PRKG1: variants seen among roughly 807,000 people sequenced by gnomAD.
PRKG1 encodes the protein cGMP-dependent protein kinase 1.
A neutral mutation model predicts 88.1 loss-of-function variants in PRKG1; 35 were observed. That is an observed-to-expected ratio of 0.40 (90% CI 0.30 to 0.53). The LOEUF (loss-of-function observed/expected upper bound fraction) is 0.53, where lower values mean the gene tolerates loss of function less well. PRKG1 is among the 20% of genes least tolerant of loss of function. PRKG1 has a pLI of 0.59. For synonymous variants in PRKG1, 303 were observed against 292.5 expected (o/e 1.04, Z -0.37); for missense variants, 540 against 839.8 (o/e 0.64, Z 4.41).
intron 1 of PRKG1, among the ~76,000 whole-genome samples, chr10:51,122,995 C>T (rs1282600334): frequency 6.6e-6 from 1 of 152,150 alleles, no homozygotes; most frequent in African/African-American, 2.4e-5. Flanking sequence ...GTAGGACAAA[C>T]TTCTGCTTCC....
At chr10:51,977,794 C>T (rs2133102386) in intron 5 of PRKG1, among the ~76,000 whole-genome samples, 1 of 151,920 alleles carries the variant, frequency 6.6e-6, no homozygotes, top group Middle Eastern at 3.4e-3. Flanking sequence ...TGTTCATGTC[C>T]TTTGTCCATT....
chr10:51,395,868 A>T (rs972323111), intron 2 of PRKG1, among the ~76,000 whole-genome samples: 9 of 152,312 alleles, frequency 5.9e-5, no homozygotes, highest in African/African-American at 2.2e-4. Flanking sequence ...GGGAGGCAAT[A>T]GTGGGGAGAA....
chr10:51,947,667 G>A (rs59625881), intron 5 of PRKG1, among the ~76,000 whole-genome samples: 2,573 of 152,284 alleles, frequency 0.017, 81 homozygotes, highest in African/African-American at 0.059. Flanking sequence ...GCAGGTTCAT[G>A]GGCTGAGGAG....
chr10:51,529,367 A>G (rs1331665427), intron 3 of PRKG1, among the ~76,000 whole-genome samples: 1 of 152,076 alleles, frequency 6.6e-6, no homozygotes, highest in Non-Finnish European at 1.5e-5. Context: ...ATTAATTCAG[A>G]TTTTGTTCAT....
intron 2 of PRKG1, among the ~76,000 whole-genome samples, chr10:51,387,215 A>T (rs893963759): frequency 1.1e-4 from 16 of 151,954 alleles, no homozygotes; most frequent in African/African-American, 3.9e-4. Flanking sequence ...TAAATGTGGG[A>T]ACTGTGTAGT....
intron 3 of PRKG1, among the ~76,000 whole-genome samples, chr10:51,665,665 A>G (rs1173229285): frequency 6.6e-6 from 1 of 151,914 alleles, no homozygotes; most frequent in Non-Finnish European, 1.5e-5. Flanking sequence ...TTGTTTCAAC[A>G]GTTTTTATTT....
At chr10:51,592,530 C>A (rs1838337094) in intron 3 of PRKG1, among the ~76,000 whole-genome samples, 3 of 152,168 alleles carry the variant, frequency 2.0e-5, no homozygotes, top group Admixed American at 2.0e-4. Flanking sequence ...GGCCCATCTC[C>A]TGCCTGCCGT....
intron 4 of PRKG1, among the ~76,000 whole-genome samples, chr10:51,809,288 G>GAAA (rs56821994): frequency 2.1e-4 from 31 of 144,998 alleles, no homozygotes; most frequent in African/African-American, 3.0e-4. Context: ...CCAGATCATA[G>GAAA]AAAAAAAAAA....
At chr10:51,362,129 T>A (rs1011323189) in intron 2 of PRKG1, among the ~76,000 whole-genome samples, 2 of 151,660 alleles carry the variant, frequency 1.3e-5, no homozygotes, top group Non-Finnish European at 2.9e-5. Flanking sequence ...TAGACAAGAT[T>A]TTTTTTTGCT....
In PRKG1 at chr10:51,651,430, T is replaced by C. The variant is rs139838446; in HGVS notation, c.593-153155T>C. On this transcript the variant is annotated intron_variant, in intron 3 of 17. Coordinates refer to ENST00000373980, the MANE Select transcript of PRKG1 (RefSeq NM_006258.4). Reference sequence around the variant, plus strand: ...CTTGTTTACCTATAGGTTACCCCTGTTCCAGGTCAAATGTCACTTCCTCTA... The same window carrying C: ...CTTGTTTACCTATAGGTTACCCCTGCTCCAGGTCAAATGTCACTTCCTCTA... 2.6e-3 allele frequency among the ~76,000 whole-genome samples: 395 copies of C among 152,152 alleles called. 2 individuals are homozygous for C. The highest frequency in any genetic ancestry group is 9.2e-3 in the African/African-American group (380 of 41,522).
intron 2 of PRKG1, among the ~76,000 whole-genome samples, chr10:51,295,386 T>A (rs1840693559): frequency 6.6e-6 from 1 of 152,152 alleles, no homozygotes; most frequent in Non-Finnish European, 1.5e-5. Context: ...TTCTTTTTGT[T>A]ACTATTATGA....
At chr10:52,133,743 T>A in intron 7 of PRKG1, 97 bp from the exon 8 acceptor site, 8 of 1,026,160 alleles carry the variant, frequency 7.8e-6, no homozygotes, top group Non-Finnish European at 1.2e-5. Context: ...ATCAGAAGAG[T>A]TTATATAATG....
At chr10:51,587,312 A>G (rs926124128) in intron 3 of PRKG1, among the ~76,000 whole-genome samples, 1 of 152,188 alleles carries the variant, frequency 6.6e-6, no homozygotes, top group Non-Finnish European at 1.5e-5. Context: ...CGAAGCTGTA[A>G]TGAATAGCAG....
rs377209300 is a variant in PRKG1, at chr10:51,994,135, C to T, written c.763-60349C>T. Among the ~76,000 whole-genome samples, 39 of 152,216 alleles carry T rather than the reference C, an allele frequency of 2.6e-4. No individual in the cohort carries two copies. The East Asian group carries it at 4.5e-3, about 17-fold the overall frequency. On this transcript the variant is annotated intron_variant, in intron 5 of 17. Coordinates refer to ENST00000373980, the MANE Select transcript of PRKG1 (RefSeq NM_006258.4). ...GCAAACTACTGCTTGCTGTGTTCAC[C>T]CTTTCTTCCTAAAGAGAGGTCTAAG... is the stretch of plus-strand genomic sequence containing the variant.
chr10:51,539,433 GATTGGGCATGAAGCAAA>G (rs554614736), intron 3 of PRKG1, among the ~76,000 whole-genome samples: 2 of 152,236 alleles, frequency 1.3e-5, no homozygotes, highest in East Asian at 3.9e-4. Flanking sequence ...AATGTACAAA[GATTGGGCATGAAGCAAA>G]ATTGTCTCCC....
At chr10:51,257,118 TA>T in intron 2 of PRKG1, among the ~76,000 whole-genome samples, 1 of 150,284 alleles carries the variant, frequency 6.7e-6, no homozygotes, top group Admixed American at 6.6e-5. Flanking sequence ...TGTCGAGCTT[TA>T]AAAAAATGAT....
Position 52,281,437 on chromosome 10 carries a change from T to A in PRKG1, c.1545+507T>A, listed in dbSNP as rs10824321. ...TTCTTTTATTTACAAATGCACAACT[T>A]TTGTTGGATCTGTTAACAGCTTGAT... On this transcript the variant is annotated intron_variant, in intron 13 of 17. Transcript: ENST00000373980. Among the ~76,000 whole-genome samples the A allele has an allele frequency of 1.7e-4, 14 of 81,514 alleles. No individual in the cohort carries two copies. In the South Asian group the frequency reaches 4.2e-3, roughly 24 times the overall value. The allele number at this position is 81,514 out of a possible 152,430, so 53.5% of individuals were successfully genotyped here.
At chr10:51,222,591 T>C (rs952260733) in intron 2 of PRKG1, among the ~76,000 whole-genome samples, 2 of 152,222 alleles carry the variant, frequency 1.3e-5, no homozygotes, top group African/African-American at 4.8e-5. Context: ...GTTTCATAAA[T>C]AACTCTCGCC....
At chr10:51,453,783 A>G (rs2132778392) in intron 2 of PRKG1, among the ~76,000 whole-genome samples, 1 of 152,168 alleles carries the variant, frequency 6.6e-6, no homozygotes, top group East Asian at 1.9e-4. Context: ...AGGGCATCCA[A>G]ATTGGTAAAG....
Sources: allele counts gnomAD v4.1 joint callset (sites outside exome capture counted in the v4.1 genomes callset), GRCh38; gene constraint gnomAD v4.1.1; transcripts MANE v1.5; gene names NCBI Gene and HGNC (gene_info 2026-07-23, HGNC 2026-07-21).